The following ADAMTS17 variants were observed in gnomAD, a reference collection of about 807,000 sequenced individuals.
The protein encoded by ADAMTS17 is A disintegrin and metalloproteinase with thrombospondin motifs 17.
Under a neutral mutation model 141.5 loss-of-function variants are expected in ADAMTS17, and 113 were observed. The observed-to-expected ratio is 0.80, with a 90% confidence interval of 0.69 to 0.93. ADAMTS17 has a LOEUF of 0.93. ADAMTS17 is among the 40% of genes least tolerant of loss of function. The pLI is 0.00. For synonymous variants in ADAMTS17, 768 were observed against 630.6 expected, an observed-to-expected ratio of 1.22 and a Z score of -3.27; for missense variants, 1,659 against 1,517.9, an observed-to-expected ratio of 1.09 and a Z score of -1.54.
Position 100,341,675 on chromosome 15 carries a change from G to A in ADAMTS17, c.79+146C>T, listed in dbSNP as rs1286846580. The A allele has an allele frequency of 7.3e-6, 8 of 1,088,548 alleles. No homozygotes were observed. The East Asian group carries it at 2.0e-4, about 28-fold the overall frequency. 67.4% of individuals were successfully genotyped at this position (1,088,548 alleles called of 1,614,324 possible). On this transcript the variant is annotated intron_variant, in intron 1 of 21. Transcript: ENST00000268070. ...CCTGCCACGGAGCCACCCGATTCCC[G>A]TACTCCGGCCGCGGCCCGCGCCTCC...
chr15:100,171,172 T>C (rs754679847), intron 8 of ADAMTS17, among the ~76,000 whole-genome samples: 24 of 152,136 alleles, frequency 1.6e-4, no homozygotes, highest in Non-Finnish European at 2.9e-4. Flanking sequence ...GAGAGCCTGC[T>C]GCCTCCAAAG....
In ADAMTS17 at chr15:100,142,939, T is replaced by C. The variant is rs1260105142; in HGVS notation, c.1474-9624A>G. The stretch of plus-strand genomic sequence containing the variant: ...TCGGGTCCTTGTGAATGCTATGACA[T>C]ACAGGCACATATATGCTCGTGGCAA... On this transcript the variant is annotated intron_variant, in intron 10 of 21. Transcript: ENST00000268070. 2.0e-5 allele frequency among the ~76,000 whole-genome samples: 3 copies of C among 152,340 alleles called. No individual in the cohort carries two copies. The South Asian group carries it at 6.2e-4, about 32-fold the overall frequency.
intron 14 of ADAMTS17, among the ~76,000 whole-genome samples, chr15:100,106,426 G>C (rs1364269779): frequency 2.0e-5 from 3 of 152,200 alleles, no homozygotes; most frequent in South Asian, 2.1e-4. Context: ...CCATTCAAAT[G>C]TCTGGAGCAG....
At chr15:100,246,375 G>C (rs1255399640) in intron 7 of ADAMTS17, among the ~76,000 whole-genome samples, 2 of 152,034 alleles carry the variant, frequency 1.3e-5, no homozygotes, top group Admixed American at 1.3e-4. Flanking sequence ...ACTCTTGATG[G>C]CTAGATGTAA....
chr15:100,255,795 A>T (rs1315494169), intron 6 of ADAMTS17, among the ~76,000 whole-genome samples: 1 of 152,178 alleles, frequency 6.6e-6, no homozygotes, highest in Admixed American at 6.5e-5. Context: ...GGCAGGCGCC[A>T]TTTTGCAGAG....
chr15:100,034,757 G>C (rs891794059), intron 18 of ADAMTS17, among the ~76,000 whole-genome samples: 1 of 152,090 alleles, frequency 6.6e-6, no homozygotes, highest in African/African-American at 2.4e-5. Context: ...CTGCTCCCTC[G>C]TGTGCCCGAC....
chr15:100,072,261 A>G (rs1044510049), intron 15 of ADAMTS17, among the ~76,000 whole-genome samples: 1 of 148,680 alleles, frequency 6.7e-6, no homozygotes, highest in Non-Finnish European at 1.5e-5. Context: ...AAAAGAGGAT[A>G]CAAACAAATG....
At chr15:100,279,586 T>A (rs1173671037) in intron 4 of ADAMTS17, among the ~76,000 whole-genome samples, 1 of 152,228 alleles carries the variant, frequency 6.6e-6, no homozygotes, top group Non-Finnish European at 1.5e-5. Flanking sequence ...GGCCAGGCAC[T>A]GTGCACTCAC....
In ADAMTS17 at chr15:100,330,962, C is replaced by T; in HGVS notation, c.543G>A (p.Arg181=). Residue 181 remains arginine, a synonymous_variant, in exon 3 of 22, where the codon AGG becomes AGA. Coordinates refer to ENST00000268070, the MANE Select transcript of ADAMTS17 (RefSeq NM_139057.4). Reference sequence around the variant, plus strand: ...GGCTGGGGGTCAAGGACCATTTGCGCCTGATCAGATGTTCTCGTCCACTGA... The same window carrying T: ...GGCTGGGGGTCAAGGACCATTTGCGTCTGATCAGATGTTCTCGTCCACTGA... ...GPFSGREHLI[R]RKWSLTPSPS... The T allele has an allele frequency of 1.2e-6, 2 of 1,614,118 alleles. No individual in the cohort carries two copies. The highest frequency in any genetic ancestry group is 2.2e-5 in the South Asian group (2 of 91,082).
In ADAMTS17 at chr15:100,021,657, T is replaced by C. The variant is rs369514639; in HGVS notation, c.2592-24068A>G. On this transcript the variant is annotated intron_variant, in intron 18 of 21. Coordinates refer to ENST00000268070, the MANE Select transcript of ADAMTS17 (RefSeq NM_139057.4). ...TCGTTCAGTCCACGCTCCTTCATAG[T>C]GCCACCCAAGGACTGCAGCTGTTTT... 7.9e-4 allele frequency among the ~76,000 whole-genome samples: 121 copies of C among 152,316 alleles called. 7 individuals carry two copies. In the South Asian group the frequency reaches 0.024, roughly 30 times the overall value.
At chr15:100,177,503 G>A (rs573473293) in intron 8 of ADAMTS17, among the ~76,000 whole-genome samples, 1 of 152,248 alleles carries the variant, frequency 6.6e-6, no homozygotes, top group South Asian at 2.1e-4. Flanking sequence ...TAAGGTCAGA[G>A]AATATACCTT....
At chr15:100,151,654 C>T (rs1567262309) in intron 10 of ADAMTS17, among the ~76,000 whole-genome samples, 1 of 152,188 alleles carries the variant, frequency 6.6e-6, no homozygotes. Context: ...GGCTGGTTCC[C>T]CTACTTCTGC....
intron 10 of ADAMTS17, among the ~76,000 whole-genome samples, chr15:100,148,767 G>C (rs1843151751): frequency 6.6e-6 from 1 of 151,780 alleles, no homozygotes. Flanking sequence ...GCAGGGGAGG[G>C]TACCAGATTG....
At chr15:100,199,707 G>A (rs1311799496) in intron 7 of ADAMTS17, among the ~76,000 whole-genome samples, 1 of 152,206 alleles carries the variant, frequency 6.6e-6, no homozygotes, top group East Asian at 1.9e-4. Flanking sequence ...CCAGGATGAG[G>A]GAAACTGAGG....
At chr15:100,124,836 T>C (rs1362947202) in intron 12 of ADAMTS17, among the ~76,000 whole-genome samples, 2 of 152,110 alleles carry the variant, frequency 1.3e-5, no homozygotes, top group African/African-American at 4.8e-5. Flanking sequence ...ACAAGGACCG[T>C]CTCCTGCTGA....
At chr15:100,060,019 G>A (rs2032991510) in intron 15 of ADAMTS17, among the ~76,000 whole-genome samples, 1 of 152,184 alleles carries the variant, frequency 6.6e-6, no homozygotes, top group Non-Finnish European at 1.5e-5. Context: ...TCAGGATATT[G>A]TTGGACCCAG....
intron 13 of ADAMTS17, among the ~76,000 whole-genome samples, chr15:100,110,234 T>C (rs1252573388): frequency 1.4e-5 from 1 of 71,498 alleles, no homozygotes; most frequent in Non-Finnish European, 3.2e-5. Flanking sequence ...TATATTTATA[T>C]AAATATATAT....
intron 18 of ADAMTS17, among the ~76,000 whole-genome samples, chr15:99,998,063 C>T (rs1201199059): frequency 3.9e-5 from 6 of 152,174 alleles, no homozygotes; most frequent in Non-Finnish European, 8.8e-5. Flanking sequence ...GCACCACTAC[C>T]GCCTGCGCTA....
At chr15:100,120,246 C>CA (rs2037384844) in intron 12 of ADAMTS17, among the ~76,000 whole-genome samples, 1 of 152,204 alleles carries the variant, frequency 6.6e-6, no homozygotes, top group South Asian at 2.1e-4. Context: ...TGAAGGCTTG[C>CA]AGCTTCCAGG....
Sources: allele counts gnomAD v4.1 joint callset (sites outside exome capture counted in the v4.1 genomes callset), GRCh38; gene constraint gnomAD v4.1.1; transcripts MANE v1.5; gene names NCBI Gene and HGNC (gene_info 2026-07-23, HGNC 2026-07-21).